Variants in COL5A2 observed in about 807,000 individuals in gnomAD.
COL5A2 encodes the protein collagen alpha-2(V) chain.
A neutral mutation model predicts 208.2 loss-of-function variants in COL5A2; 23 were observed. That is an observed-to-expected ratio of 0.11 (90% CI 0.08 to 0.16). COL5A2 has a LOEUF of 0.16. Among genes scored for constraint, COL5A2 ranks in the 10% least tolerant of loss-of-function variants. COL5A2 has a pLI of 1.00. For synonymous variants in COL5A2, 625 were observed against 628.5 expected, an observed-to-expected ratio of 0.99 and a Z score of 0.08; for missense variants, 1,590 against 1,956.4, an observed-to-expected ratio of 0.81 and a Z score of 3.53.
the COL5A2 span, among the ~76,000 whole-genome samples, chr2:189,431,849 C>T: frequency 2.0e-5 from 3 of 152,164 alleles, no homozygotes; most frequent in Non-Finnish European, 2.9e-5. Flanking sequence ...ATAGAGAACA[C>T]CACAAAGATA....
chr2:189,188,315 C>T (rs564789750), intron 1 of COL5A2, among the ~76,000 whole-genome samples: 2 of 152,230 alleles, frequency 1.3e-5, no homozygotes, highest in African/African-American at 4.8e-5. Context: ...TGCCTTTCTA[C>T]AATGTTAGAA....
At position 189,032,680 on chromosome 2, in the gene COL5A2, G is replaced by A. The variant is rs1685359726; in HGVS notation, c.*1390C>T. The A allele has an allele frequency of 6.6e-6, 1 of 152,342 alleles. No individual in the cohort carries two copies. Among genetic ancestry groups the A allele is most frequent in the Non-Finnish European group, 1.5e-5 (1 of 67,988 alleles). The allele number at this position is 152,342 out of a possible 1,614,324, so 9.4% of individuals were successfully genotyped here. A position where few individuals can be genotyped will look rare whatever the true frequency, so the allele number is the denominator to read the frequency against. On this transcript the variant is annotated 3_prime_UTR_variant, in exon 54 of 54. Transcript: ENST00000374866. ...AGAAAAAAAAAGTATTGAGACACAA[G>A]GGGACCTACATGTTCTGGTCTAAGA...
chr2:189,049,815 A>G (rs990429656), intron 43 of COL5A2, among the ~76,000 whole-genome samples: 1 of 152,068 alleles, frequency 6.6e-6, no homozygotes, highest in Non-Finnish European at 1.5e-5. Context: ...ATATTCTGAT[A>G]CTTTGATCTC....
At chr2:189,232,730 C>T in the COL5A2 span, among the ~76,000 whole-genome samples, 6 of 151,500 alleles carry the variant, frequency 4.0e-5, no homozygotes, top group African/African-American at 1.5e-4. Flanking sequence ...GGGATTAGTC[C>T]CCCTACAAAA....
At chr2:189,400,902 T>A in the COL5A2 span, among the ~76,000 whole-genome samples, 8 of 152,248 alleles carry the variant, frequency 5.3e-5, no homozygotes, top group Admixed American at 5.2e-4. Flanking sequence ...ATCCTTATAA[T>A]TCACTAACTC....
At chr2:189,047,090 C>T (rs1685685667) in intron 45 of COL5A2, among the ~76,000 whole-genome samples, 1 of 150,974 alleles carries the variant, frequency 6.6e-6, no homozygotes, top group African/African-American at 2.4e-5. Flanking sequence ...TCACTGCACT[C>T]CAGCCTGGCA....
At chr2:189,183,492 C>T (rs1688808743), upstream of COL5A2, among the ~76,000 whole-genome samples, 2 of 152,082 alleles carry the variant, frequency 1.3e-5, no homozygotes, top group Admixed American at 1.3e-4. Flanking sequence ...GAGCTACAGA[C>T]CTATATTTTT....
chr2:189,050,466 ATAC>A lies in COL5A2; in HGVS notation c.3039+100_3039+102del, dbSNP rs1685760430. On this transcript the variant is annotated intron_variant, in intron 43 of 53. Transcript: ENST00000374866. ...AGACTCAAAAATTAATGTCCCTACA[ATAC>A]TGTTTAAATCTATTCATCAAGCAAA... 4 of 952,626 alleles carry A rather than the reference ATAC, an allele frequency of 4.2e-6. No homozygotes were observed. The South Asian group carries it at 5.6e-5, about 13-fold the overall frequency. 59.0% of individuals were successfully genotyped at this position (952,626 alleles called of 1,614,324 possible). A position where few individuals can be genotyped will look rare whatever the true frequency, so the allele number is the denominator to read the frequency against.
the COL5A2 span, among the ~76,000 whole-genome samples, chr2:189,350,930 T>C: frequency 6.6e-6 from 1 of 152,198 alleles, no homozygotes; most frequent in Non-Finnish European, 1.5e-5. Flanking sequence ...GACTTTGAAA[T>C]ATTTTAAACA....
chr2:189,437,427 T>C, the COL5A2 span, among the ~76,000 whole-genome samples: 47 of 152,344 alleles, frequency 3.1e-4, no homozygotes, highest in South Asian at 7.3e-3. Context: ...ACACTGCTGT[T>C]GCTGGTCCAC....
the COL5A2 span, among the ~76,000 whole-genome samples, chr2:189,335,901 T>C: frequency 1.3e-5 from 2 of 152,088 alleles, no homozygotes; most frequent in Non-Finnish European, 2.9e-5. Context: ...AAGAGTGAAT[T>C]TGATGGGATG....
intron 1 of COL5A2, among the ~76,000 whole-genome samples, chr2:189,199,118 G>GA (rs1212947798): frequency 1.3e-5 from 2 of 152,076 alleles, no homozygotes; most frequent in South Asian, 2.1e-4. Context: ...CTCCTTAAGA[G>GA]AAAAAATCAA....
chr2:189,402,793 T>C, the COL5A2 span, among the ~76,000 whole-genome samples: 1 of 151,884 alleles, frequency 6.6e-6, no homozygotes, highest in Non-Finnish European at 1.5e-5. Flanking sequence ...TTGGCTATAG[T>C]ATAGTATAGT....
At chr2:189,102,290 C>A (rs145552285) in intron 3 of COL5A2, among the ~76,000 whole-genome samples, 14 of 152,154 alleles carry the variant, frequency 9.2e-5, no homozygotes, top group African/African-American at 3.4e-4. Context: ...GAATAGAACT[C>A]TCTGATACCT....
chr2:189,209,441 G>C (rs1248387758), intron 1 of COL5A2, among the ~76,000 whole-genome samples: 1 of 152,152 alleles, frequency 6.6e-6, no homozygotes, highest in Admixed American at 6.5e-5. Context: ...TACAGGTACT[G>C]TTCTAAGTTC....
chr2:189,275,457 CT>C, the COL5A2 span, among the ~76,000 whole-genome samples: 69 of 140,074 alleles, frequency 4.9e-4, no homozygotes, highest in African/African-American at 1.4e-3. Context: ...TCTTTCTTTC[CT>C]TTTTTTTTTT....
At chr2:189,260,866 T>C in the COL5A2 span, among the ~76,000 whole-genome samples, 3 of 152,202 alleles carry the variant, frequency 2.0e-5, no homozygotes, top group Non-Finnish European at 4.4e-5. Flanking sequence ...ACAGACACTA[T>C]TATTCTCCTT....
intron 1 of COL5A2, among the ~76,000 whole-genome samples, chr2:189,154,423 A>G (rs1688205547): frequency 6.6e-6 from 1 of 152,190 alleles, no homozygotes; most frequent in African/African-American, 2.4e-5. Flanking sequence ...TTCTTCTTCC[A>G]CAAATATGAT....
chr2:189,435,508 T>C, the COL5A2 span, among the ~76,000 whole-genome samples: 1 of 151,968 alleles, frequency 6.6e-6, no homozygotes. Context: ...CATCAAAAAG[T>C]GGGCAAAGGA....
Sources: allele counts gnomAD v4.1 joint callset (sites outside exome capture counted in the v4.1 genomes callset), GRCh38; gene constraint gnomAD v4.1.1; transcripts MANE v1.5; gene names NCBI Gene and HGNC (gene_info 2026-07-23, HGNC 2026-07-21).